TRIM71: variants seen among roughly 807,000 people sequenced by gnomAD.
TRIM71 encodes the protein E3 ubiquitin-protein ligase TRIM71.
In TRIM71, 9 loss-of-function variants were observed where a neutral mutation model predicts 61.2. The ratio of observed to expected loss-of-function variants is 0.15; its 90% CI spans 0.09 to 0.26. The LOEUF (loss-of-function observed/expected upper bound fraction) is 0.26, where lower values mean the gene tolerates loss of function less well. Ranked by LOEUF, TRIM71 falls within the 10% of genes least tolerant of loss-of-function variation. The probability of loss-of-function intolerance (pLI) is 1.00; values close to 1 mark genes in which losing one functional copy is unlikely to be tolerated. For missense variants in TRIM71, 998 were observed against 1,238.7 expected (o/e 0.81, Z 2.92); for synonymous variants, 645 against 553.2 (o/e 1.17, Z -2.33).
At chr3:32,865,079 C>T (rs987507622) in intron 1 of TRIM71, among the ~76,000 whole-genome samples, 4 of 152,114 alleles carry the variant, frequency 2.6e-5, no homozygotes, top group Non-Finnish European at 5.9e-5. Context: ...CCTGTAATTC[C>T]AGCACTTTGG....
intron 1 of TRIM71, among the ~76,000 whole-genome samples, chr3:32,860,133 C>G (rs1696650052): frequency 6.9e-6 from 1 of 145,666 alleles, no homozygotes; most frequent in Admixed American, 6.8e-5. Context: ...CTCCCCTCCC[C>G]TCTTCCCTCC....
chr3:32,881,832 A>T (rs1386746957), intron 2 of TRIM71, among the ~76,000 whole-genome samples: 4 of 152,218 alleles, frequency 2.6e-5, no homozygotes, highest in Non-Finnish European at 1.5e-5. Context: ...TTGGAATGCC[A>T]TGCTTGGCTG....
At chr3:32,888,434 CAAAA>C (rs56834147) in intron 3 of TRIM71, among the ~76,000 whole-genome samples, 20 of 95,852 alleles carry the variant, frequency 2.1e-4, no homozygotes, top group African/African-American at 8.0e-4. Context: ...CCATCTCTAC[CAAAA>C]AAAAAAAAAA....
chr3:32,829,319 G>A (rs1235261696), intron 1 of TRIM71, among the ~76,000 whole-genome samples: 1 of 151,850 alleles, frequency 6.6e-6, no homozygotes, highest in Non-Finnish European at 1.5e-5. Flanking sequence ...CGAGTAGCTG[G>A]GATTACAGGC....
chr3:32,886,077 G>A lies in TRIM71; in HGVS notation c.1155+9G>A. The A allele has an allele frequency of 6.2e-7, 1 of 1,610,122 alleles. No individual in the cohort carries two copies. On this transcript the variant is annotated intron_variant, in intron 3 of 3. Coordinates refer to ENST00000383763, the MANE Select transcript of TRIM71 (RefSeq NM_001039111.3). ...GTGAGCTGCTGTGGAAGGTAACAGG[G>A]AGAGCTCCCCCACCCAGGCTGTGCC...
rs1470215119 is a variant in TRIM71 at position 32,897,323 on chromosome 3, G to A, written c.*5512G>A. On this transcript the variant is annotated 3_prime_UTR_variant, in exon 4 of 4. Transcript: ENST00000383763. Reference sequence around the variant, plus strand: ...CATGATATAAGGAATATGCACTACCGTAGTAACTCCCCTGGCCGCAGAAAC... The same window carrying A: ...CATGATATAAGGAATATGCACTACCATAGTAACTCCCCTGGCCGCAGAAAC... 2 of 152,008 alleles carry A rather than the reference G, an allele frequency of 1.3e-5. No individual in the cohort carries two copies. Among genetic ancestry groups the A allele is most frequent in the South Asian group, 2.1e-4 (1 of 4,822 alleles). 9.4% of individuals were successfully genotyped at this position (152,008 alleles called of 1,614,324 possible).
chr3:32,856,858 C>G (rs1696611351), intron 1 of TRIM71, among the ~76,000 whole-genome samples: 1 of 152,198 alleles, frequency 6.6e-6, no homozygotes, highest in Non-Finnish European at 1.5e-5. Context: ...CCTTTTCTTT[C>G]TGGAACTGCC....
chr3:32,881,649 C>T (rs1696907945), intron 2 of TRIM71, among the ~76,000 whole-genome samples: 1 of 152,174 alleles, frequency 6.6e-6, no homozygotes, highest in South Asian at 2.1e-4. Context: ...TCTCAAGCAC[C>T]ATGCTTGTTG....
intron 2 of TRIM71, among the ~76,000 whole-genome samples, chr3:32,882,041 G>C (rs1295957990): frequency 6.6e-6 from 1 of 152,174 alleles, no homozygotes; most frequent in Non-Finnish European, 1.5e-5. Flanking sequence ...CCAGACATGA[G>C]GGATAAGCGA....
chr3:32,849,645 C>A (rs1352088848), intron 1 of TRIM71, among the ~76,000 whole-genome samples: 1 of 150,172 alleles, frequency 6.7e-6, no homozygotes, highest in East Asian at 2.0e-4. Context: ...CAGGCGTGAG[C>A]CTGGCCTAGG....
intron 1 of TRIM71, among the ~76,000 whole-genome samples, chr3:32,852,134 G>A (rs1046043672): frequency 3.3e-5 from 5 of 152,168 alleles, no homozygotes; most frequent in African/African-American, 1.2e-4. Flanking sequence ...CTCGGCCTTG[G>A]ACCAAACTGG....
intron 1 of TRIM71, among the ~76,000 whole-genome samples, chr3:32,862,128 C>T (rs781104824): frequency 2.6e-5 from 4 of 152,136 alleles, no homozygotes; most frequent in Admixed American, 6.5e-5. Flanking sequence ...GGCTCTAGGC[C>T]TTATCAACCA....
chr3:32,889,232 C>T lies in TRIM71; in HGVS notation c.1156-1128C>T, dbSNP rs536449271. Among the ~76,000 whole-genome samples, 8 of 152,226 alleles carry T rather than the reference C, an allele frequency of 5.3e-5. No individual in the cohort carries two copies. In the East Asian group the frequency reaches 1.5e-3, roughly 29 times the overall value. On this transcript the variant is annotated intron_variant, in intron 3 of 3. Coordinates refer to ENST00000383763, the MANE Select transcript of TRIM71 (RefSeq NM_001039111.3). Reference sequence around the variant, plus strand: ...GCAAAGTGTAGGTGCTCAGTACACTCCTTTGTCAAATGGCTGTTTTTGGTT... The same window carrying T: ...GCAAAGTGTAGGTGCTCAGTACACTTCTTTGTCAAATGGCTGTTTTTGGTT...
At position 32,890,148 on chromosome 3, in the gene TRIM71, A is replaced by G. The variant is rs1285607159; in HGVS notation, c.1156-212A>G. ...AATTACATATAGTTGTCCTGTTTCT[A>G]GTAACTATCCTCTGTAACCCAGAAC... On this transcript the variant is annotated intron_variant, in intron 3 of 3. Transcript: ENST00000383763. This position sits in a 1 kb window ranked among gnomAD's most constrained non-coding sequence, Gnocchi z 6.2. Among the ~76,000 whole-genome samples the G allele has an allele frequency of 6.6e-6, 1 of 152,190 alleles. No homozygotes were observed. The highest frequency in any genetic ancestry group is 6.5e-5 in the Admixed American group (1 of 15,278).
intron 1 of TRIM71, among the ~76,000 whole-genome samples, chr3:32,849,697 G>A (rs867748180): frequency 3.1e-4 from 47 of 151,438 alleles, no homozygotes; most frequent in African/African-American, 1.1e-3. Flanking sequence ...AACTGTGGCT[G>A]TTTTACCAGG....
At chr3:32,847,460 G>T (rs1696488603) in intron 1 of TRIM71, among the ~76,000 whole-genome samples, 2 of 152,160 alleles carry the variant, frequency 1.3e-5, no homozygotes. Flanking sequence ...CTCCCAAAGT[G>T]CCGGGATTAC....
intron 1 of TRIM71, among the ~76,000 whole-genome samples, chr3:32,852,759 T>TAAAAA (rs36040321): frequency 7.5e-6 from 1 of 133,854 alleles, no homozygotes. Flanking sequence ...TACTGTCTTT[T>TAAAAA]AAAAAAAAAA....
chr3:32,834,813 G>A (rs930557318), intron 1 of TRIM71, among the ~76,000 whole-genome samples: 1 of 152,132 alleles, frequency 6.6e-6, no homozygotes, highest in African/African-American at 2.4e-5. Context: ...CTGCACTCCA[G>A]CCTGGTGACA....
chr3:32,843,811 G>A (rs968946560), intron 1 of TRIM71, among the ~76,000 whole-genome samples: 1 of 152,192 alleles, frequency 6.6e-6, no homozygotes, highest in Admixed American at 6.5e-5. Context: ...GCTGCTTTCT[G>A]GGAAGGTGCA....
Sources: allele counts gnomAD v4.1 joint callset (sites outside exome capture counted in the v4.1 genomes callset), GRCh38; gene constraint gnomAD v4.1.1; non-coding constraint Gnocchi (gnomAD v3.1); transcripts MANE v1.5; gene names NCBI Gene and HGNC (gene_info 2026-07-23, HGNC 2026-07-21).